Variants in TAFA2 observed in about 807,000 individuals in gnomAD.
TAFA2 encodes chemokine-like protein TAFA-2.
TAFA2 carries 7 observed loss-of-function variants against 18.8 expected under a neutral mutation model. That is an observed-to-expected ratio of 0.37 (90% CI 0.21 to 0.70). TAFA2 has a LOEUF of 0.70. TAFA2 is among the 30% of genes least tolerant of loss of function. The pLI is 0.53. For synonymous variants in TAFA2, 60 were observed against 54.2 expected (o/e 1.11, Z -0.47); for missense variants, 122 against 158.1 (o/e 0.77, Z 1.23).
At chr12:61,998,621 T>A (rs1880280085) in intron 1 of TAFA2, among the ~76,000 whole-genome samples, 1 of 152,218 alleles carries the variant, frequency 6.6e-6, no homozygotes, top group Admixed American at 6.5e-5. Flanking sequence ...GAGTTAAATG[T>A]CTTGACCAAG....
intron 1 of TAFA2, among the ~76,000 whole-genome samples, chr12:61,969,632 C>T (rs1164731343): frequency 6.6e-6 from 1 of 151,532 alleles, no homozygotes; most frequent in African/African-American, 2.4e-5. Context: ...ATCTGATCTC[C>T]AGTGAACTCA....
intron 2 of TAFA2, among the ~76,000 whole-genome samples, chr12:61,764,580 T>C (rs1869707833): frequency 6.6e-6 from 1 of 152,042 alleles, no homozygotes; most frequent in African/African-American, 2.4e-5. Context: ...ATCTGTAAAA[T>C]GAAGAAATCA....
At chr12:61,948,427 T>A (rs2121446038) in intron 1 of TAFA2, among the ~76,000 whole-genome samples, 1 of 152,196 alleles carries the variant, frequency 6.6e-6, no homozygotes, top group South Asian at 2.1e-4. Flanking sequence ...TAGAGGTAAA[T>A]GTTGTTCATA....
chr12:62,112,353 TCTG>T (rs1869771794), intron 1 of TAFA2, among the ~76,000 whole-genome samples: 1 of 152,196 alleles, frequency 6.6e-6, no homozygotes, highest in African/African-American at 2.4e-5. Flanking sequence ...TGCAGAGAGA[TCTG>T]CTGTTAGTCT....
intron 1 of TAFA2, among the ~76,000 whole-genome samples, chr12:61,877,602 C>G (rs10877756): frequency 6.6e-6 from 1 of 151,908 alleles, no homozygotes; most frequent in South Asian, 2.1e-4. Context: ...CTACAGCCAT[C>G]GTCATTTCAT....
At chr12:61,828,306 G>A (rs182605090) in intron 2 of TAFA2, among the ~76,000 whole-genome samples, 151 of 151,878 alleles carry the variant, frequency 9.9e-4, no homozygotes, top group Non-Finnish European at 1.8e-3. Flanking sequence ...TGACCAAAAC[G>A]ACCATTTTGT....
intron 1 of TAFA2, among the ~76,000 whole-genome samples, chr12:62,059,125 ATATATGTGTG>A: frequency 1.2e-5 from 1 of 82,748 alleles, no homozygotes; most frequent in African/African-American, 4.2e-5. Context: ...AATAATATAT[ATATATGTGTG>A]TATATGTGTG....
At chr12:61,825,521 A>G (rs1014646014) in intron 2 of TAFA2, among the ~76,000 whole-genome samples, 1 of 152,154 alleles carries the variant, frequency 6.6e-6, no homozygotes, top group African/African-American at 2.4e-5. Context: ...ATATTTGGCA[A>G]TAAGGAAACC....
chr12:62,135,648 C>T (rs1245442), intron 1 of TAFA2, among the ~76,000 whole-genome samples: 15,345 of 152,030 alleles, frequency 0.1, 916 homozygotes, highest in Admixed American at 0.17. Context: ...AGGAAATAGG[C>T]TTTCTTTTTA....
chr12:61,789,533 G>A (rs1870884787), intron 2 of TAFA2, among the ~76,000 whole-genome samples: 1 of 151,802 alleles, frequency 6.6e-6, no homozygotes, highest in Non-Finnish European at 1.5e-5. Flanking sequence ...ACACACTGGG[G>A]CCTGTCAGGA....
intron 1 of TAFA2, among the ~76,000 whole-genome samples, chr12:62,111,080 G>T (rs564554876): frequency 8.0e-4 from 121 of 151,868 alleles, no homozygotes; most frequent in Non-Finnish European, 1.4e-3. Context: ...TTGATGTTAG[G>T]GTGTTGATTT....
chr12:61,755,845 T>G (rs1473916742), intron 2 of TAFA2, among the ~76,000 whole-genome samples: 1 of 152,130 alleles, frequency 6.6e-6, no homozygotes, highest in Non-Finnish European at 1.5e-5. Context: ...TTCATTATTT[T>G]TTTTCAGCAT....
chr12:61,870,095 C>A (rs562022871), intron 1 of TAFA2, among the ~76,000 whole-genome samples: 1 of 152,274 alleles, frequency 6.6e-6, no homozygotes, highest in South Asian at 2.1e-4. Context: ...CACAAAGTTG[C>A]CAGGCTGTCA....
chr12:62,056,380 A>T (rs1025791704), intron 1 of TAFA2, among the ~76,000 whole-genome samples: 1 of 152,244 alleles, frequency 6.6e-6, no homozygotes, highest in South Asian at 2.1e-4. Context: ...CAATATTTAG[A>T]CATTGAAAAG....
intron 1 of TAFA2, among the ~76,000 whole-genome samples, chr12:61,896,137 T>C (rs1420693788): frequency 2.0e-5 from 3 of 152,228 alleles, no homozygotes; most frequent in East Asian, 3.9e-4. Flanking sequence ...GTACCTAAAA[T>C]CTATGCTCAT....
At chr12:62,150,249 T>C (rs2062318301) in intron 1 of TAFA2, among the ~76,000 whole-genome samples, 2 of 152,248 alleles carry the variant, frequency 1.3e-5, no homozygotes, top group African/African-American at 4.8e-5. Flanking sequence ...TGAGTACCTC[T>C]TGTTCTTTCA....
chr12:61,791,080 C>T lies in TAFA2; in HGVS notation c.107-36056G>A, dbSNP rs181942909. On this transcript the variant is annotated intron_variant, in intron 2 of 4. Coordinates refer to ENST00000416284, the MANE Select transcript of TAFA2 (RefSeq NM_178539.5). ...ACACATCAGCACTGATTTTCGACAACGGTCCCAAGAACAAATATTAGGGAA... is the reference window on the plus strand; with the variant it reads ...ACACATCAGCACTGATTTTCGACAATGGTCCCAAGAACAAATATTAGGGAA... 2.4e-3 allele frequency among the ~76,000 whole-genome samples: 364 copies of T among 151,692 alleles called. 2 individuals carry two copies. Among genetic ancestry groups the T allele is most frequent in the African/African-American group, 8.2e-3 (339 of 41,438 alleles).
chr12:62,104,644 C>T, intron 1 of TAFA2: 1 of 452,426 alleles, frequency 2.2e-6, no homozygotes, highest in Non-Finnish European at 4.4e-6. Context: ...CACACAGATA[C>T]AAATCATTAC....
intron 1 of TAFA2, among the ~76,000 whole-genome samples, chr12:62,145,904 C>T (rs1048619364): frequency 1.6e-4 from 25 of 152,334 alleles, no homozygotes; most frequent in African/African-American, 5.3e-4. Context: ...TGGCGATACC[C>T]CCTTGGGTAG....
Sources: allele counts gnomAD v4.1 joint callset (sites outside exome capture counted in the v4.1 genomes callset), GRCh38; gene constraint gnomAD v4.1.1; transcripts MANE v1.5; gene names NCBI Gene and HGNC (gene_info 2026-07-23, HGNC 2026-07-21).